KLF9: variants seen among roughly 807,000 people sequenced by gnomAD.
KLF9 encodes KLF transcription factor 9.
Under a neutral mutation model 17.3 loss-of-function variants are expected in KLF9, and 2 were observed. The ratio of observed to expected loss-of-function variants is 0.12; its 90% CI spans 0.05 to 0.36. The LOEUF is 0.36. Ranked by LOEUF, KLF9 falls within the 10% of genes least tolerant of loss-of-function variation. The pLI is 1.00. For missense variants in KLF9, 226 were observed against 333.2 expected (o/e 0.68, Z 2.51); for synonymous variants, 138 against 139.2 (o/e 0.99, Z 0.06).
At chr9:70,410,861 C>T (rs1477374971) in intron 1 of KLF9, among the ~76,000 whole-genome samples, 1 of 152,110 alleles carries the variant, frequency 6.6e-6, no homozygotes. Context: ...AATACACTTC[C>T]GACAATATTA....
At position 70,413,062 on chromosome 9, in the gene KLF9, G is replaced by T. The variant is rs763995142; in HGVS notation, c.302C>A (p.Thr101Asn). ...EDMGSDSDVTTESGSSPSHSP... is the reference protein window; with the variant it reads ...EDMGSDSDVTNESGSSPSHSP... ...GTGGGAAGGACTCGACCCAGATTCGGTGGTCACGTCGCTGTCGGATCCCAT... is the reference window on the plus strand; with the variant it reads ...GTGGGAAGGACTCGACCCAGATTCGTTGGTCACGTCGCTGTCGGATCCCAT... Residue 101 changes from threonine to asparagine, a missense_variant, in exon 1 of 2, where the codon ACC becomes AAC. Coordinates refer to ENST00000377126, the MANE Select transcript of KLF9 (RefSeq NM_001206.4). This position sits in a 1 kb window ranked among gnomAD's most constrained non-coding sequence, Gnocchi z 5.6. 6.2e-7 allele frequency: 1 copy of T among 1,614,138 alleles called. No homozygotes were observed. The highest frequency in any genetic ancestry group is 1.7e-5 in the Admixed American group (1 of 60,018).
chr9:70,403,046 A>G (rs1384663589), intron 1 of KLF9, among the ~76,000 whole-genome samples: 1 of 152,148 alleles, frequency 6.6e-6, no homozygotes, highest in Non-Finnish European at 1.5e-5. Context: ...GCTATTCGGG[A>G]GGCTGAGGCA....
intron 1 of KLF9, among the ~76,000 whole-genome samples, chr9:70,402,163 G>C (rs538862849): frequency 2.0e-5 from 3 of 152,146 alleles, no homozygotes; most frequent in Non-Finnish European, 4.4e-5. Flanking sequence ...CAAGCATTTT[G>C]GGGCTGGCCA....
At chr9:70,390,416 G>A (rs1313330464) in intron 1 of KLF9, among the ~76,000 whole-genome samples, 1 of 151,996 alleles carries the variant, frequency 6.6e-6, no homozygotes, top group Non-Finnish European at 1.5e-5. Context: ...AGAGTTTCCC[G>A]TGAAAAACTC....
In KLF9 at chr9:70,398,190, G is replaced by C. The variant is rs11142396; in HGVS notation, c.506-10185C>G. Among the ~76,000 whole-genome samples the C allele has an allele frequency of 3.7e-3, 563 of 152,192 alleles. 4 individuals carry two copies. Among genetic ancestry groups the C allele is most frequent in the African/African-American group, 0.012 (508 of 41,518 alleles). ...CTCACTGAATCCTGCTTGTGATTTG[G>C]CTTCCGTTTATATTGTATTTGTTGA... On this transcript the variant is annotated intron_variant, in intron 1 of 1. Coordinates refer to ENST00000377126, the MANE Select transcript of KLF9 (RefSeq NM_001206.4).
rs1352035159 is a variant in KLF9 at position 70,384,812 on chromosome 9, A to G, written c.*2964T>C. 1.3e-5 allele frequency: 2 copies of G among 152,664 alleles called. No individual in the cohort carries two copies. Among genetic ancestry groups the G allele is most frequent in the African/African-American group, 4.8e-5 (2 of 41,474 alleles). 9.5% of individuals were successfully genotyped at this position (152,664 alleles called of 1,614,324 possible). A position where few individuals can be genotyped will look rare whatever the true frequency, so the allele number is the denominator to read the frequency against. On this transcript the variant is annotated 3_prime_UTR_variant, in exon 2 of 2. Coordinates refer to ENST00000377126, the MANE Select transcript of KLF9 (RefSeq NM_001206.4). ...TACAGATCATCTGATGTGAAAGAAC[A>G]TCTCAATCTATCCGAGTGATGAGTA...
chr9:70,407,665 T>TAGCA (rs1346070660), intron 1 of KLF9, among the ~76,000 whole-genome samples: 2 of 152,230 alleles, frequency 1.3e-5, no homozygotes, highest in East Asian at 3.9e-4. Flanking sequence ...ACCTTGTGAC[T>TAGCA]AGCAATAAGA....
rs565929166 is a variant in KLF9, at chr9:70,386,042, C to T, written c.*1734G>A. 4 of 152,378 alleles carry T rather than the reference C, an allele frequency of 2.6e-5. No homozygotes were observed. Among genetic ancestry groups the T allele is most frequent in the South Asian group, 2.1e-4 (1 of 4,814 alleles). 9.4% of individuals were successfully genotyped at this position (152,378 alleles called of 1,614,324 possible). A position where few individuals can be genotyped will look rare whatever the true frequency, so the allele number is the denominator to read the frequency against. On this transcript the variant is annotated 3_prime_UTR_variant, in exon 2 of 2. Transcript: ENST00000377126. The stretch of plus-strand genomic sequence containing the variant: ...GCCCACACTGATTCTGAATCAGAAA[C>T]GAGTATGGGTCAGGTGAAATAGGTA...
intron 1 of KLF9, among the ~76,000 whole-genome samples, chr9:70,402,542 A>G (rs1438984907): frequency 6.6e-6 from 1 of 152,200 alleles, no homozygotes; most frequent in Non-Finnish European, 1.5e-5. Context: ...AAACCAAGTC[A>G]ATGGCTTTGA....
intron 1 of KLF9, among the ~76,000 whole-genome samples, chr9:70,411,008 C>T (rs1337913253): frequency 1.3e-5 from 2 of 152,202 alleles, no homozygotes; most frequent in Non-Finnish European, 2.9e-5. Flanking sequence ...ACTTCGTTTT[C>T]CACTCCTGAC....
At position 70,386,910 on chromosome 9, in the gene KLF9, G is replaced by T. The variant is rs2037113846; in HGVS notation, c.*866C>A. 1 of 152,594 alleles carries T rather than the reference G, an allele frequency of 6.6e-6. No individual in the cohort carries two copies. Among genetic ancestry groups the T allele is most frequent in the African/African-American group, 2.4e-5 (1 of 41,422 alleles). 9.5% of individuals were successfully genotyped at this position (152,594 alleles called of 1,614,324 possible). ...TAAAATAAGCAGATTATAACGTGGT[G>T]CCAAACAGAACATCTGCTTCTATCC... On this transcript the variant is annotated 3_prime_UTR_variant, in exon 2 of 2. Coordinates refer to ENST00000377126, the MANE Select transcript of KLF9 (RefSeq NM_001206.4).
intron 1 of KLF9, among the ~76,000 whole-genome samples, chr9:70,405,207 T>C (rs2037248202): frequency 6.6e-6 from 1 of 152,218 alleles, no homozygotes; most frequent in Non-Finnish European, 1.5e-5. Flanking sequence ...CCATTGCCTA[T>C]TCCACTGGTT....
chr9:70,409,122 G>GTGTA lies in KLF9; in HGVS notation c.505+3736_505+3737insTACA, dbSNP rs1171958857. 2.7e-4 allele frequency among the ~76,000 whole-genome samples: 21 copies of GTGTA among 76,948 alleles called. 1 individual carries two copies. The highest frequency in any genetic ancestry group is 7.0e-4 in the African/African-American group (17 of 24,368). The allele number at this position is 76,948 out of a possible 152,430, so 50.5% of individuals were successfully genotyped here. On this transcript the variant is annotated intron_variant, in intron 1 of 1. Coordinates refer to ENST00000377126, the MANE Select transcript of KLF9 (RefSeq NM_001206.4). ...TATATGTGTATATATATACATATAT[G>GTGTA]TATATATGTATACATATATATGTAT...
At chr9:70,393,640 A>G (rs2037165102) in intron 1 of KLF9, among the ~76,000 whole-genome samples, 1 of 152,260 alleles carries the variant, frequency 6.6e-6, no homozygotes, top group Non-Finnish European at 1.5e-5. Flanking sequence ...TGCATCTAGC[A>G]AAAGTAAACC....
chr9:70,405,206 A>G (rs1034797166), intron 1 of KLF9, among the ~76,000 whole-genome samples: 2 of 152,178 alleles, frequency 1.3e-5, no homozygotes, highest in Non-Finnish European at 2.9e-5. Context: ...ACCATTGCCT[A>G]TTCCACTGGT....
chr9:70,387,665 C>G lies in KLF9; in HGVS notation c.*111G>C. 1.2e-6 allele frequency: 1 copy of G among 848,532 alleles called. No homozygotes were observed. 52.6% of individuals were successfully genotyped at this position (848,532 alleles called of 1,614,324 possible). ...AATATTGACCAAAGAGCAGTGACTT[C>G]CTGTGCCGTCAAGTGTGCCTCTTCT... On this transcript the variant is annotated 3_prime_UTR_variant, in exon 2 of 2. Transcript: ENST00000377126.
intron 1 of KLF9, among the ~76,000 whole-genome samples, chr9:70,391,718 C>T (rs1266919572): frequency 2.0e-5 from 3 of 152,116 alleles, no homozygotes; most frequent in African/African-American, 4.8e-5. Flanking sequence ...ATCCACATCC[C>T]ACTGGCCAAA....
chr9:70,394,191 C>T (rs899645817), intron 1 of KLF9, among the ~76,000 whole-genome samples: 1 of 151,962 alleles, frequency 6.6e-6, no homozygotes, highest in African/African-American at 2.4e-5. Context: ...CAAAACCAAT[C>T]TGGGCAACAC....
At chr9:70,396,832 C>G (rs959464227) in intron 1 of KLF9, among the ~76,000 whole-genome samples, 1 of 152,004 alleles carries the variant, frequency 6.6e-6, no homozygotes, top group Non-Finnish European at 1.5e-5. Flanking sequence ...AAAAGTCTTA[C>G]AGAAAACAGC....
Sources: gnomAD v4.1 joint callset for allele counts (sites outside exome capture counted in the v4.1 genomes callset) on GRCh38, gnomAD v4.1.1 for gene constraint, Gnocchi (gnomAD v3.1) non-coding constraint, MANE v1.5 for transcripts, NCBI Gene and HGNC (gene_info 2026-07-23, HGNC 2026-07-21) for gene names.